ZNF570: variants seen among roughly 807,000 people sequenced by gnomAD.
ZNF570 encodes the protein zinc finger protein 570.
ZNF570 carries 8 observed loss-of-function variants against 14.2 expected under a neutral mutation model. That is an observed-to-expected ratio of 0.56 (90% CI 0.33 to 1.02). ZNF570 has a LOEUF of 1.02. ZNF570 is among the 50% of genes least tolerant of loss of function. The pLI is 0.03. For missense variants in ZNF570, 559 were observed against 624.9 expected, an observed-to-expected ratio of 0.89 and a Z score of 1.12; for synonymous variants, 202 against 207.6, an observed-to-expected ratio of 0.97 and a Z score of 0.23.
At position 37,485,115 on chromosome 19, in the gene ZNF570, A is replaced by T; in HGVS notation, c.1493A>T (p.Tyr498Phe). Residue 498 changes from tyrosine (Y) to phenylalanine (F), a missense_variant, in exon 5 of 5, where the codon TAT (tyrosine) becomes TTT (phenylalanine). By Grantham distance (22) the Tyr-to-Phe change is conservative (BLOSUM62 3). Coordinates refer to ENST00000330173, the MANE Select transcript of ZNF570 (RefSeq NM_144694.5). ...HQRIHTGERP[Y>F]ECKECKKTFR... ...AGAATTCATACTGGAGAGAGACCCTATGAATGTAAGGAATGCAAAAAAACC... is the reference window on the plus strand; with the variant it reads ...AGAATTCATACTGGAGAGAGACCCTTTGAATGTAAGGAATGCAAAAAAACC... The T allele has an allele frequency of 6.2e-7, 1 of 1,613,616 alleles. No individual in the cohort carries two copies. The highest frequency in any genetic ancestry group is 8.5e-7 in the Non-Finnish European group (1 of 1,179,814).
intron 2 of ZNF570, among the ~76,000 whole-genome samples, chr19:37,470,679 TAC>T (rs1318477955): frequency 6.7e-6 from 1 of 149,716 alleles, no homozygotes; most frequent in East Asian, 2.0e-4. Flanking sequence ...ATGTGGTGAG[TAC>T]ATTCTTATTT....
At chr19:37,480,258 G>A (rs1033676480) in intron 4 of ZNF570, among the ~76,000 whole-genome samples, 3 of 152,198 alleles carry the variant, frequency 2.0e-5, no homozygotes, top group African/African-American at 7.2e-5. Context: ...GGCCGAGGCG[G>A]GTGGATCACG....
chr19:37,485,251 T>A lies in ZNF570; in HGVS notation c.*18T>A, dbSNP rs1460871090. The A allele has an allele frequency of 6.6e-7, 1 of 1,517,702 alleles. No homozygotes were observed. Among genetic ancestry groups the A allele is most frequent in the East Asian group, 2.3e-5 (1 of 44,120 alleles). The allele number at this position is 1,517,702 out of a possible 1,614,324, so 94.0% of individuals were successfully genotyped here. A position where few individuals can be genotyped will look rare whatever the true frequency, so the allele number is the denominator to read the frequency against. Reference sequence around the variant, plus strand: ...TCCTATAGATCCTGAGTCCTAAATGTTTCTAGAATTTATACTGTTTTTTAT... The same window carrying A: ...TCCTATAGATCCTGAGTCCTAAATGATTCTAGAATTTATACTGTTTTTTAT... On this transcript the variant is annotated 3_prime_UTR_variant, in exon 5 of 5. Coordinates refer to ENST00000330173, the MANE Select transcript of ZNF570 (RefSeq NM_144694.5).
In ZNF570 at chr19:37,484,238, ATTAAGCC is replaced by A. The variant is rs746477512; in HGVS notation, c.617_623del (p.Ile206ThrfsTer11). 6.2e-7 allele frequency: 1 copy of A among 1,614,002 alleles called. No homozygotes were observed. Among genetic ancestry groups the A allele is most frequent in the Admixed American group, 1.7e-5 (1 of 60,008 alleles). ...AAGCTTTAAAAAAAATTTAATGGCT[ATTAAGCC>A]CAAGAGTGTCTGTGCAGAGAAGAAA... On this transcript the variant is annotated frameshift_variant, in exon 5 of 5. Coordinates refer to ENST00000330173, the MANE Select transcript of ZNF570 (RefSeq NM_144694.5). LOFTEE classifies it low-confidence loss of function (END_TRUNC).
chr19:37,484,619 A>G lies in ZNF570; in HGVS notation c.997A>G (p.Ile333Val), dbSNP rs1344729656. Residue 333 changes from isoleucine (I) to valine (V), a missense_variant, in exon 5 of 5, where the codon ATC (isoleucine) becomes GTC (valine). Ile to Val is a conservative substitution (Grantham distance 29, BLOSUM62 3). Coordinates refer to ENST00000330173, the MANE Select transcript of ZNF570 (RefSeq NM_144694.5). ...CACGGGAGAGAAACCCTATGAATGT[A>G]TCGAATGTGGGAAAGCATTTAGCAA... ...VHTGEKPYECIECGKAFSNRS... is the reference protein window; with the variant it reads ...VHTGEKPYECVECGKAFSNRS... 1 of 1,613,886 alleles carries G rather than the reference A, an allele frequency of 6.2e-7. No individual in the cohort carries two copies. Among genetic ancestry groups the G allele is most frequent in the Non-Finnish European group, 8.5e-7 (1 of 1,179,928 alleles).
Position 37,484,951 on chromosome 19 carries a change from A to G in ZNF570, c.1329A>G (p.Glu443=), listed in dbSNP as rs1258803249. The change falls in exon 5 of 5, where the codon GAA becomes GAG. Residue 443 remains glutamate (E), a synonymous_variant. Coordinates refer to ENST00000330173, the MANE Select transcript of ZNF570 (RefSeq NM_144694.5). ...TTCATACTGGAGAGAAACCCTATGA[A>G]TGTATTGAATGTGGGAAGGCTTTTA... ...QRVHTGEKPY[E]CIECGKAFSN... is the part of the protein sequence containing the mutation. 1 of 1,614,122 alleles carries G rather than the reference A, an allele frequency of 6.2e-7. No individual in the cohort carries two copies. The highest frequency in any genetic ancestry group is 8.5e-7 in the Non-Finnish European group (1 of 1,179,996).
At position 37,484,571 on chromosome 19, in the gene ZNF570, C is replaced by G. The variant is rs1357691936; in HGVS notation, c.949C>G (p.Leu317Val). The G allele has an allele frequency of 6.2e-7, 1 of 1,614,180 alleles. No individual in the cohort carries two copies. The highest frequency in any genetic ancestry group is 2.2e-5 in the East Asian group (1 of 44,878). Residue 317 changes from leucine to valine, a missense_variant, in exon 5 of 5, where the codon CTT (leucine) becomes GTT (valine). Transcript: ENST00000330173. Reference protein sequence around the residue: ...CRKAFSQFAYLAQHQRVHTGE... With the variant: ...CRKAFSQFAYVAQHQRVHTGE... ...AAAAGCCTTCAGCCAGTTTGCCTACCTTGCTCAACATCAGAGAGTTCACAC... is the reference window on the plus strand; with the variant it reads ...AAAAGCCTTCAGCCAGTTTGCCTACGTTGCTCAACATCAGAGAGTTCACAC...
upstream of ZNF570, chr19:37,469,252 C>A: frequency 7.2e-7 from 1 of 1,384,684 alleles, no homozygotes; most frequent in Non-Finnish European, 9.4e-7. Flanking sequence ...CCAGACACTG[C>A]GACGCCGCGA....
Position 37,469,364 on chromosome 19 carries a change from C to A in ZNF570, c.-245C>A. The A allele has an allele frequency of 7.0e-7, 1 of 1,433,562 alleles. No individual in the cohort carries two copies. The highest frequency in any genetic ancestry group is 1.5e-5 in the South Asian group (1 of 68,120). The allele number at this position is 1,433,562 out of a possible 1,614,324, so 88.8% of individuals were successfully genotyped here. ...GCGGAGGCAGCTGAGGCGCTTCTTT[C>A]CGGGCCCGTAAGGGCTGGGTTCCAT... On this transcript the variant is annotated 5_prime_UTR_variant, in exon 1 of 5. Transcript: ENST00000330173.
intron 4 of ZNF570, among the ~76,000 whole-genome samples, chr19:37,483,546 ATG>A (rs1237283596): frequency 9.8e-5 from 15 of 152,354 alleles, no homozygotes; most frequent in African/African-American, 3.4e-4. Flanking sequence ...TGTTCAGTGA[ATG>A]TTCTTGAATG....
rs760955468 is a variant in ZNF570, at chr19:37,483,979, C to T, written c.357C>T (p.Asn119=). Residue 119 remains asparagine (N), a synonymous_variant, in exon 5 of 5, where the codon AAC becomes AAT. Transcript: ENST00000330173. ...TAATAGAAACACTTACAAGCTATAA[C>T]CTTGAATACTCCAGTTTGAGAGAAG... ...QKIIETLTSY[N]LEYSSLREEW... 1.2e-4 allele frequency: 198 copies of T among 1,613,778 alleles called. 2 individuals carry two copies. Among genetic ancestry groups the T allele is most frequent in the Middle Eastern group, 3.3e-4 (2 of 6,082 alleles).
chr19:37,469,161 G>A, upstream of ZNF570: 1 of 1,155,354 alleles, frequency 8.7e-7, no homozygotes, highest in Non-Finnish European at 1.1e-6. Context: ...CTCTCTGGAA[G>A]GCCGGGGAGA....
At chr19:37,467,883 CAG>C (rs1451022605), upstream of ZNF570, 2 of 1,536,058 alleles carry the variant, frequency 1.3e-6, no homozygotes, top group Admixed American at 2.0e-5. Context: ...GCAGTTTTGT[CAG>C]AGACAATGTG....
Position 37,480,537 on chromosome 19 carries a change from T to C in ZNF570, c.257-3342T>C, listed in dbSNP as rs549077682. On this transcript the variant is annotated intron_variant, in intron 4 of 4. Coordinates refer to ENST00000330173, the MANE Select transcript of ZNF570 (RefSeq NM_144694.5). Reference sequence around the variant, plus strand: ...GAACCTTAGACTGTCTTAACTTCACTTACCCTCATTTCAGTTATTCCTTGC... The same window carrying C: ...GAACCTTAGACTGTCTTAACTTCACCTACCCTCATTTCAGTTATTCCTTGC... Among the ~76,000 whole-genome samples, 76 of 152,306 alleles carry C rather than the reference T, an allele frequency of 5.0e-4. 1 individual carries two copies. The South Asian group carries it at 0.015, about 30-fold the overall frequency.
At chr19:37,474,347 A>G (rs1017510156) in intron 2 of ZNF570, among the ~76,000 whole-genome samples, 1 of 152,204 alleles carries the variant, frequency 6.6e-6, no homozygotes, top group Non-Finnish European at 1.5e-5. Flanking sequence ...TTTAGGAAGC[A>G]TTGTTAGCAG....
rs761175154 is a variant in ZNF570, at chr19:37,484,782, A to T, written c.1160A>T (p.Glu387Val). ...ATACATACTGGAGAGAGACCCTATG[A>T]ATGTAAGGAATGTGGGAAGGCCTTT... ...QRIHTGERPY[E>V]CKECGKAFSQ... Residue 387 changes from glutamate to valine, a missense_variant, in exon 5 of 5, where the codon GAA becomes GTA. By Grantham distance (121) the Glu-to-Val change is moderately radical. Coordinates refer to ENST00000330173, the MANE Select transcript of ZNF570 (RefSeq NM_144694.5). The T allele has an allele frequency of 6.2e-7, 1 of 1,614,098 alleles. No homozygotes were observed. The highest frequency in any genetic ancestry group is 1.1e-5 in the South Asian group (1 of 91,082).
At chr19:37,476,531 T>C in intron 4 of ZNF570, 97 bp downstream of exon 4, 1 of 1,404,512 alleles carries the variant, frequency 7.1e-7, no homozygotes. Context: ...CAAATTCTTC[T>C]CAAATGTTCT....
Position 37,478,546 on chromosome 19 carries a change from T to TG in ZNF570, c.256+2113dup, listed in dbSNP as rs1162936425. Among the ~76,000 whole-genome samples the TG allele has an allele frequency of 3.8e-3, 543 of 143,360 alleles. 14 individuals carry two copies. Among genetic ancestry groups the TG allele is most frequent in the Non-Finnish European group, 5.9e-3 (365 of 62,176 alleles). 94.0% of individuals were successfully genotyped at this position (143,360 alleles called of 152,430 possible). On this transcript the variant is annotated intron_variant, in intron 4 of 4. Coordinates refer to ENST00000330173, the MANE Select transcript of ZNF570 (RefSeq NM_144694.5). The stretch of plus-strand genomic sequence containing the variant: ...ATTCTTATACCTTAATTTATTTTTC[T>TG]GTTGCCTTTGTCGTATCTCCAGTAT...
intron 4 of ZNF570, among the ~76,000 whole-genome samples, chr19:37,476,834 C>A (rs1568766797): frequency 6.6e-6 from 1 of 151,660 alleles, no homozygotes; most frequent in African/African-American, 2.4e-5. Flanking sequence ...TTCAGCCTTC[C>A]CAGGAGCTGG....
Sources: allele counts gnomAD v4.1 joint callset (sites outside exome capture counted in the v4.1 genomes callset), GRCh38; gene constraint gnomAD v4.1.1; transcripts MANE v1.5; gene names NCBI Gene and HGNC (gene_info 2026-07-23, HGNC 2026-07-21).